CNTN4: variants seen among roughly 807,000 people sequenced by gnomAD.
CNTN4 encodes the protein contactin-4.
Under a neutral mutation model 122.5 loss-of-function variants are expected in CNTN4, and 77 were observed. That is an observed-to-expected ratio of 0.63 (90% confidence interval 0.52 to 0.76). CNTN4 has a LOEUF of 0.76. Ranked by LOEUF, CNTN4 falls within the 30% of genes least tolerant of loss-of-function variation. The pLI is 0.00. For synonymous variants in CNTN4, 512 were observed against 447.0 expected, an observed-to-expected ratio of 1.15 and a Z score of -1.83; for missense variants, 1,256 against 1,259.1, an observed-to-expected ratio of 1.00 and a Z score of 0.04.
intron 3 of CNTN4, among the ~76,000 whole-genome samples, chr3:2,370,959 A>C (rs1211213419): frequency 6.6e-6 from 1 of 152,200 alleles, no homozygotes; most frequent in Non-Finnish European, 1.5e-5. Flanking sequence ...GCACCAAACT[A>C]AGTATAGCAA....
At chr3:2,259,457 C>G (rs1313269016) in intron 2 of CNTN4, among the ~76,000 whole-genome samples, 2 of 152,116 alleles carry the variant, frequency 1.3e-5, no homozygotes, top group Non-Finnish European at 2.9e-5. Flanking sequence ...GTGCATTAGT[C>G]CGTTTTCACG....
intron 4 of CNTN4, among the ~76,000 whole-genome samples, chr3:2,608,608 A>C (rs753553499): frequency 1.3e-4 from 20 of 152,098 alleles, no homozygotes; most frequent in Non-Finnish European, 2.8e-4. Context: ...CAGCTTCCTG[A>C]GTAGCTGGTA....
chr3:2,978,508 G>A (rs1438106462), intron 13 of CNTN4, among the ~76,000 whole-genome samples: 1 of 152,242 alleles, frequency 6.6e-6, no homozygotes, highest in Admixed American at 6.5e-5. Context: ...AAGGGGATAT[G>A]TTGCCAGTAT....
chr3:2,478,628 A>G (rs1486093593), intron 3 of CNTN4, among the ~76,000 whole-genome samples: 1 of 152,042 alleles, frequency 6.6e-6, no homozygotes, highest in African/African-American at 2.4e-5. Context: ...GTTCCCCACC[A>G]TGTGTCCCTT....
chr3:3,009,080 C>A, intron 14 of CNTN4: 1 of 965,808 alleles, frequency 1.0e-6, no homozygotes, highest in Non-Finnish European at 1.2e-6. Flanking sequence ...ACCTCCGGAG[C>A]CACAATTAGG....
intron 3 of CNTN4, among the ~76,000 whole-genome samples, chr3:2,488,105 G>A (rs560631923): frequency 5.9e-5 from 9 of 151,942 alleles, no homozygotes; most frequent in Admixed American, 4.6e-4. Flanking sequence ...TACTTCCTTG[G>A]GCATTAGCCA....
chr3:2,356,386 A>C (rs2044873171), intron 3 of CNTN4, among the ~76,000 whole-genome samples: 1 of 152,174 alleles, frequency 6.6e-6, no homozygotes, highest in East Asian at 1.9e-4. Context: ...CAATTCCTGG[A>C]ACTGAGAGTT....
rs138859912 is a variant in CNTN4 at position 2,379,786 on chromosome 3, G to A, written c.-89+40553G>A. ...GAATATCATCATGGCCGGGCGCGGT[G>A]GCTCACGCCTGTAATCCTAGCACTT... is the stretch of plus-strand genomic sequence containing the variant. On this transcript the variant is annotated intron_variant, in intron 3 of 24. Transcript: ENST00000418658. 5.0e-3 allele frequency among the ~76,000 whole-genome samples: 765 copies of A among 152,230 alleles called. 3 individuals are homozygous for A. Among genetic ancestry groups the A allele is most frequent in the African/African-American group, 0.017 (724 of 41,536 alleles).
intron 3 of CNTN4, among the ~76,000 whole-genome samples, chr3:2,431,841 T>G (rs569254907): frequency 5.9e-4 from 90 of 152,256 alleles, no homozygotes; most frequent in Admixed American, 1.0e-3. Context: ...GGAGCCTGAA[T>G]CAAGGTTAAC....
intron 14 of CNTN4, among the ~76,000 whole-genome samples, chr3:3,023,928 A>G (rs1183038188): frequency 1.3e-5 from 2 of 152,220 alleles, no homozygotes; most frequent in African/African-American, 4.8e-5. Flanking sequence ...ACAACAGACA[A>G]TATCTTAATG....
intron 4 of CNTN4, among the ~76,000 whole-genome samples, chr3:2,677,039 C>T (rs1377572732): frequency 6.6e-6 from 1 of 151,948 alleles, no homozygotes; most frequent in Non-Finnish European, 1.5e-5. Context: ...CATCAAATAA[C>T]TTAAATCCAG....
chr3:2,794,426 T>C (rs2092107243), intron 6 of CNTN4, among the ~76,000 whole-genome samples: 1 of 152,218 alleles, frequency 6.6e-6, no homozygotes, highest in African/African-American at 2.4e-5. Flanking sequence ...ATACAATAAA[T>C]AGTAACTCCC....
intron 2 of CNTN4, among the ~76,000 whole-genome samples, chr3:2,298,697 A>G (rs1236205502): frequency 6.6e-6 from 1 of 152,230 alleles, no homozygotes; most frequent in African/African-American, 2.4e-5. Flanking sequence ...TATGAAATAT[A>G]TATTCTATAG....
intron 2 of CNTN4, among the ~76,000 whole-genome samples, chr3:2,265,914 T>C (rs751745499): frequency 2.0e-5 from 3 of 152,122 alleles, no homozygotes; most frequent in Non-Finnish European, 4.4e-5. Flanking sequence ...TGTATGTTGA[T>C]TTTGTATTCT....
chr3:2,125,330 C>CTCTCTGTGTGTGTGTG (rs138301374), intron 2 of CNTN4, among the ~76,000 whole-genome samples: 25 of 143,472 alleles, frequency 1.7e-4, no homozygotes, highest in African/African-American at 5.5e-4. Flanking sequence ...ATTCTATTCT[C>CTCTCTGTGTGTGTGTG]TGTGTGTGTG....
chr3:2,107,784 T>A (rs2032578106), intron 2 of CNTN4, among the ~76,000 whole-genome samples: 1 of 152,072 alleles, frequency 6.6e-6, no homozygotes, highest in Non-Finnish European at 1.5e-5. Context: ...AGTGGGGGTT[T>A]TATTTGTTTG....
chr3:2,444,481 G>A (rs935667607), intron 3 of CNTN4, among the ~76,000 whole-genome samples: 5 of 152,124 alleles, frequency 3.3e-5, no homozygotes, highest in Admixed American at 6.6e-5. Context: ...TACCGTATTC[G>A]AGAAAGAGAA....
chr3:2,458,730 T>A (rs2049092379), intron 3 of CNTN4, among the ~76,000 whole-genome samples: 1 of 152,134 alleles, frequency 6.6e-6, no homozygotes, highest in Admixed American at 6.6e-5. Context: ...TTGTTTTATA[T>A]AACTAGAGAT....
intron 3 of CNTN4, among the ~76,000 whole-genome samples, chr3:2,515,867 C>T (rs967823619): frequency 6.6e-6 from 1 of 151,862 alleles, no homozygotes; most frequent in Admixed American, 6.6e-5. Flanking sequence ...GATGGAATGG[C>T]ACAAAAATTT....
Sources: gnomAD v4.1 joint callset for allele counts (sites outside exome capture counted in the v4.1 genomes callset) on GRCh38, gnomAD v4.1.1 for gene constraint, MANE v1.5 for transcripts, NCBI Gene and HGNC (gene_info 2026-07-23, HGNC 2026-07-21) for gene names.